CDK19: variants seen among roughly 807,000 people sequenced by gnomAD.
CDK19 encodes the protein cyclin dependent kinase 19, also known as cyclin-dependent kinase 19.
CDK19 carries 20 observed loss-of-function variants against 68.3 expected under a neutral mutation model. The ratio of observed to expected loss-of-function variants is 0.29; its 90% CI spans 0.21 to 0.43. CDK19 has a LOEUF of 0.43. Among genes scored for constraint, CDK19 ranks in the 20% least tolerant of loss-of-function variants. CDK19 has a pLI of 1.00. For synonymous variants in CDK19, 221 were observed against 222.8 expected (o/e 0.99, Z 0.07); for missense variants, 339 against 623.5 (o/e 0.54, Z 4.86).
chr6:110,789,030 C>A (rs888865668), intron 1 of CDK19, among the ~76,000 whole-genome samples: 25 of 152,242 alleles, frequency 1.6e-4, no homozygotes, highest in African/African-American at 6.0e-4. Context: ...ACCAGAGAGA[C>A]AAATTGCTTA....
intron 5 of CDK19, among the ~76,000 whole-genome samples, chr6:110,636,145 G>A (rs1242992975): frequency 6.6e-6 from 1 of 152,164 alleles, no homozygotes; most frequent in Non-Finnish European, 1.5e-5. Flanking sequence ...TGGGGTGACT[G>A]GGAGAAATGT....
chr6:110,787,830 C>A (rs909991045), intron 1 of CDK19, among the ~76,000 whole-genome samples: 13 of 151,438 alleles, frequency 8.6e-5, no homozygotes, highest in African/African-American at 2.7e-4. Flanking sequence ...CTGGGTTTTG[C>A]GGTTTTTTTG....
chr6:110,713,407 G>A (rs1006910250), intron 2 of CDK19, among the ~76,000 whole-genome samples: 1 of 148,344 alleles, frequency 6.7e-6, no homozygotes, highest in Non-Finnish European at 1.5e-5. Context: ...ACTCCAGCCT[G>A]GGTGACAGAG....
chr6:110,667,804 A>G (rs1252118992), intron 3 of CDK19, among the ~76,000 whole-genome samples: 1 of 152,174 alleles, frequency 6.6e-6, no homozygotes, highest in Non-Finnish European at 1.5e-5. Flanking sequence ...TGAAACCATT[A>G]AGATTTTCAT....
intron 1 of CDK19, among the ~76,000 whole-genome samples, chr6:110,765,598 T>A (rs1420890593): frequency 6.6e-6 from 1 of 151,104 alleles, no homozygotes; most frequent in African/African-American, 2.4e-5. Flanking sequence ...GGAGAATTGC[T>A]TGAACCCGGG....
In CDK19 at chr6:110,610,636, CTA is replaced by C. The variant is rs930903871; in HGVS notation, c.*3897_*3898del. The C allele has an allele frequency of 2.2e-3, 337 of 152,182 alleles. 2 individuals carry two copies. The highest frequency in any genetic ancestry group is 7.7e-3 in the African/African-American group (319 of 41,532). The allele number at this position is 152,182 out of a possible 1,614,324, so 9.4% of individuals were successfully genotyped here. A position where few individuals can be genotyped will look rare whatever the true frequency, so the allele number is the denominator to read the frequency against. On this transcript the variant is annotated 3_prime_UTR_variant, in exon 13 of 13. Coordinates refer to ENST00000368911, the MANE Select transcript of CDK19 (RefSeq NM_015076.5). ...TTGAGGATTATGGGGACCTAAACTG[CTA>C]TGTTTTATACAAAATATTACTTGTA...
intron 9 of CDK19, 121 bp from the exon 10 acceptor site, chr6:110,623,033 G>A (rs1778813684): frequency 1.4e-6 from 1 of 734,720 alleles, no homozygotes; most frequent in East Asian, 2.6e-5. Context: ...GCTCACTGCA[G>A]ATTATGCATA....
intron 4 of CDK19, among the ~76,000 whole-genome samples, chr6:110,662,217 G>T (rs553775018): frequency 2.0e-5 from 3 of 152,034 alleles, no homozygotes; most frequent in Non-Finnish European, 4.4e-5. Context: ...TGATCCACCC[G>T]CCTTGGCCTC....
intron 2 of CDK19, among the ~76,000 whole-genome samples, chr6:110,715,518 TC>T (rs909582558): frequency 6.6e-6 from 1 of 152,136 alleles, no homozygotes; most frequent in African/African-American, 2.4e-5. Flanking sequence ...TTGAGACTAG[TC>T]GCTCTGTTGC....
At chr6:110,804,957 A>C (rs1165570462) in intron 1 of CDK19, among the ~76,000 whole-genome samples, 1 of 151,934 alleles carries the variant, frequency 6.6e-6, no homozygotes, top group Non-Finnish European at 1.5e-5. Context: ...CTTCGTCTCA[A>C]AACAAAAAAA....
chr6:110,773,526 A>G (rs1381693476), intron 1 of CDK19, among the ~76,000 whole-genome samples: 1 of 152,166 alleles, frequency 6.6e-6, no homozygotes, highest in Non-Finnish European at 1.5e-5. Flanking sequence ...TATGACTTGG[A>G]CAAGTTCCCA....
At chr6:110,634,511 C>A (rs1292110819) in intron 5 of CDK19, among the ~76,000 whole-genome samples, 2 of 152,220 alleles carry the variant, frequency 1.3e-5, no homozygotes, top group African/African-American at 2.4e-5. Flanking sequence ...AGCCACTGAG[C>A]CCGGCCTGTA....
chr6:110,611,146 GCTGCCAAAGCTACCTTAC>G lies in CDK19; in HGVS notation c.*3371_*3388del, dbSNP rs1447314982. The stretch of plus-strand genomic sequence containing the variant: ...GTTTCAGCCTCATAGTATCAGCCCT[GCTGCCAAAGCTACCTTAC>G]CTTGAGCTCATCTGTCCTGCAACAC... On this transcript the variant is annotated 3_prime_UTR_variant, in exon 13 of 13. Coordinates refer to ENST00000368911, the MANE Select transcript of CDK19 (RefSeq NM_015076.5). The G allele has an allele frequency of 2.6e-5, 4 of 152,152 alleles. No individual in the cohort carries two copies. Among genetic ancestry groups the G allele is most frequent in the Non-Finnish European group, 5.9e-5 (4 of 68,046 alleles). 9.4% of individuals were successfully genotyped at this position (152,152 alleles called of 1,614,324 possible). A position where few individuals can be genotyped will look rare whatever the true frequency, so the allele number is the denominator to read the frequency against.
In CDK19 at chr6:110,610,443, T is replaced by C. The variant is rs1206194010; in HGVS notation, c.*4092A>G. 6.6e-6 allele frequency: 1 copy of C among 152,534 alleles called. No homozygotes were observed. The highest frequency in any genetic ancestry group is 1.5e-5 in the Non-Finnish European group (1 of 68,028). The allele number at this position is 152,534 out of a possible 1,614,324, so 9.4% of individuals were successfully genotyped here. A position where few individuals can be genotyped will look rare whatever the true frequency, so the allele number is the denominator to read the frequency against. On this transcript the variant is annotated 3_prime_UTR_variant, in exon 13 of 13. Coordinates refer to ENST00000368911, the MANE Select transcript of CDK19 (RefSeq NM_015076.5). ...CTTTAAAAAAATTAAATAGTATTAA[T>C]TTACTAAATATTTAGGAGATAACAG... is the stretch of plus-strand genomic sequence containing the variant.
chr6:110,798,702 A>G (rs1176094068), intron 1 of CDK19, among the ~76,000 whole-genome samples: 4 of 151,782 alleles, frequency 2.6e-5, no homozygotes, highest in African/African-American at 7.2e-5. Context: ...ACATGAAGCA[A>G]TAGTTTTGAA....
At chr6:110,734,529 C>G (rs1777064277) in intron 2 of CDK19, among the ~76,000 whole-genome samples, 1 of 144,342 alleles carries the variant, frequency 6.9e-6, no homozygotes, top group Admixed American at 7.2e-5. Flanking sequence ...TGCTCTCTCT[C>G]TCTCTCTCTC....
intron 4 of CDK19, among the ~76,000 whole-genome samples, chr6:110,651,286 ATCTG>A (rs67076891): frequency 0.014 from 2,106 of 150,800 alleles, 51 homozygotes; most frequent in African/African-American, 0.049. Flanking sequence ...CTATTTATGT[ATCTG>A]TCTGTCTAAC....
At chr6:110,632,248 C>A (rs1360010287) in intron 5 of CDK19, 87 bp from the exon 6 acceptor site, 6 of 1,029,656 alleles carry the variant, frequency 5.8e-6, no homozygotes, top group African/African-American at 1.6e-5. Flanking sequence ...TTCAGTTTGA[C>A]ATGCTATTAG....
At chr6:110,798,709 T>C (rs1782130050) in intron 1 of CDK19, among the ~76,000 whole-genome samples, 1 of 151,182 alleles carries the variant, frequency 6.6e-6, no homozygotes, top group Non-Finnish European at 1.5e-5. Context: ...GCAATAGTTT[T>C]GAATGCTGAG....
Sources: allele counts gnomAD v4.1 joint callset (sites outside exome capture counted in the v4.1 genomes callset), GRCh38; gene constraint gnomAD v4.1.1; transcripts MANE v1.5; gene names NCBI Gene and HGNC (gene_info 2026-07-23, HGNC 2026-07-21).